The following ANKS1B variants were observed in gnomAD, a reference collection of about 807,000 sequenced individuals.
ANKS1B encodes ankyrin repeat and sterile alpha motif domain-containing protein 1B.
Under a neutral mutation model 148.3 loss-of-function variants are expected in ANKS1B, and 36 were observed. The ratio of observed to expected loss-of-function variants is 0.24; its 90% CI spans 0.19 to 0.32. The LOEUF is 0.32. Ranked by LOEUF, ANKS1B falls within the 10% of genes least tolerant of loss-of-function variation. The pLI is 1.00. For synonymous variants in ANKS1B, 542 were observed against 560.8 expected (o/e 0.97, Z 0.47); for missense variants, 1,157 against 1,542.6 (o/e 0.75, Z 4.19).
chr12:99,928,732 C>T (rs2094538382), intron 1 of ANKS1B, among the ~76,000 whole-genome samples: 1 of 152,196 alleles, frequency 6.6e-6, no homozygotes, highest in African/African-American at 2.4e-5. Context: ...AGCTAACACA[C>T]ATATACACTT....
intron 11 of ANKS1B, among the ~76,000 whole-genome samples, chr12:99,414,596 C>T (rs1283893694): frequency 6.6e-6 from 1 of 152,176 alleles, no homozygotes; most frequent in East Asian, 1.9e-4. Context: ...AAACCAAACA[C>T]CACATGTTCT....
chr12:99,919,679 G>A (rs951212738), intron 1 of ANKS1B, among the ~76,000 whole-genome samples: 27 of 151,200 alleles, frequency 1.8e-4, no homozygotes, highest in African/African-American at 6.3e-4. Flanking sequence ...GATATCCACT[G>A]CTATAATTTT....
intron 9 of ANKS1B, chr12:99,647,869 C>T (rs919197124): frequency 7.1e-5 from 25 of 354,420 alleles, no homozygotes; most frequent in African/African-American, 4.2e-4. Flanking sequence ...AGGTCCCTCC[C>T]GAATGAGCAC....
intron 24 of ANKS1B, among the ~76,000 whole-genome samples, chr12:98,775,607 C>T (rs2153490422): frequency 6.9e-6 from 1 of 145,184 alleles, no homozygotes; most frequent in Middle Eastern, 3.5e-3. Flanking sequence ...ACCAGCCTGG[C>T]TTATTTTCTG....
At chr12:98,973,769 G>A (rs1385783210) in intron 17 of ANKS1B, among the ~76,000 whole-genome samples, 1 of 152,054 alleles carries the variant, frequency 6.6e-6, no homozygotes, top group Non-Finnish European at 1.5e-5. Context: ...ATAAGTTATT[G>A]TTGGTAATCT....
At chr12:99,308,634 T>G (rs2082678767) in intron 12 of ANKS1B, among the ~76,000 whole-genome samples, 2 of 152,016 alleles carry the variant, frequency 1.3e-5, no homozygotes, top group South Asian at 4.1e-4. Flanking sequence ...TTTTAGAATA[T>G]GCTTGTTAAG....
At chr12:99,249,757 C>A (rs1055613252) in intron 12 of ANKS1B, among the ~76,000 whole-genome samples, 10 of 152,092 alleles carry the variant, frequency 6.6e-5, no homozygotes, top group African/African-American at 2.2e-4. Context: ...TGGCCATGTG[C>A]CTTGTACCGC....
chr12:98,995,047 G>A (rs1427622688), intron 17 of ANKS1B, among the ~76,000 whole-genome samples: 1 of 152,128 alleles, frequency 6.6e-6, no homozygotes, highest in African/African-American at 2.4e-5. Flanking sequence ...AATAGTAAGT[G>A]CTATTTTAGC....
intron 8 of ANKS1B, among the ~76,000 whole-genome samples, chr12:99,757,452 G>T (rs1226629185): frequency 1.3e-5 from 2 of 151,860 alleles, no homozygotes; most frequent in Non-Finnish European, 2.9e-5. Flanking sequence ...CGCTGGCAAG[G>T]TTATGGAAAA....
At chr12:98,936,074 C>T (rs964552706) in intron 17 of ANKS1B, among the ~76,000 whole-genome samples, 3 of 151,998 alleles carry the variant, frequency 2.0e-5, no homozygotes, top group South Asian at 4.1e-4. Flanking sequence ...ATGTTCAGTT[C>T]GATTTTAGTG....
chr12:99,229,390 T>C (rs1412833999), intron 14 of ANKS1B, among the ~76,000 whole-genome samples: 1 of 151,970 alleles, frequency 6.6e-6, no homozygotes, highest in Non-Finnish European at 1.5e-5. Context: ...CTGAAATGAA[T>C]ATCTTTATAT....
chr12:99,716,472 C>A (rs192227601), intron 8 of ANKS1B, among the ~76,000 whole-genome samples: 1 of 152,192 alleles, frequency 6.6e-6, no homozygotes, highest in Non-Finnish European at 1.5e-5. Flanking sequence ...CTCCCTTAGC[C>A]TGTGTTCTCA....
intron 17 of ANKS1B, among the ~76,000 whole-genome samples, chr12:98,958,034 T>G (rs577751166): frequency 6.6e-6 from 1 of 152,324 alleles, no homozygotes; most frequent in South Asian, 2.1e-4. Flanking sequence ...ACCTTCTATA[T>G]TTGTCTGTTC....
At chr12:99,460,390 G>C (rs1414150394) in intron 10 of ANKS1B, among the ~76,000 whole-genome samples, 1 of 151,998 alleles carries the variant, frequency 6.6e-6, no homozygotes, top group East Asian at 1.9e-4. Context: ...AAAAACAAAT[G>C]CAACAAAAAC....
intron 17 of ANKS1B, among the ~76,000 whole-genome samples, chr12:98,845,979 T>TACACACAC (rs67641647): frequency 1.2e-4 from 14 of 120,576 alleles, no homozygotes; most frequent in African/African-American, 4.0e-4. Flanking sequence ...TATATATATA[T>TACACACAC]ACACACACAC....
chr12:99,160,407 C>T (rs978939338), intron 14 of ANKS1B, among the ~76,000 whole-genome samples: 70 of 151,696 alleles, frequency 4.6e-4, no homozygotes, highest in Non-Finnish European at 6.9e-4. Flanking sequence ...GGTGCTATCT[C>T]AGCTCACTGC....
At chr12:99,286,068 A>T (rs1414436550) in intron 12 of ANKS1B, among the ~76,000 whole-genome samples, 2 of 151,924 alleles carry the variant, frequency 1.3e-5, no homozygotes, top group African/African-American at 2.4e-5. Flanking sequence ...GTGAGATGCC[A>T]ACCACAGGGG....
chr12:99,456,809 C>T (rs191938878), intron 10 of ANKS1B, among the ~76,000 whole-genome samples: 22 of 151,816 alleles, frequency 1.4e-4, no homozygotes, highest in Admixed American at 2.6e-4. Flanking sequence ...TTGATGTTCC[C>T]GAGGGAGAAT....
chr12:99,380,211 A>G (rs992044382), intron 12 of ANKS1B, among the ~76,000 whole-genome samples: 1 of 152,184 alleles, frequency 6.6e-6, no homozygotes, highest in Admixed American at 6.5e-5. Flanking sequence ...GTCCATTTTA[A>G]TTTATTGGTT....
Sources: gnomAD v4.1 joint callset for allele counts (sites outside exome capture counted in the v4.1 genomes callset) on GRCh38, gnomAD v4.1.1 for gene constraint, MANE v1.5 for transcripts, NCBI Gene and HGNC (gene_info 2026-07-23, HGNC 2026-07-21) for gene names.